The following AGBL2 variants were observed in gnomAD, a reference collection of about 807,000 sequenced individuals.
AGBL2 encodes AGBL carboxypeptidase 2.
In AGBL2, 87 loss-of-function variants were observed where a neutral mutation model predicts 103.0. The observed-to-expected ratio is 0.84, with a 90% CI of 0.71 to 1.01. AGBL2 has a LOEUF of 1.01. Ranked by LOEUF, AGBL2 falls within the 50% of genes least tolerant of loss-of-function variation. The pLI is 0.00. For missense variants in AGBL2, 904 were observed against 1,023.5 expected (o/e 0.88, Z 1.59); for synonymous variants, 335 against 356.7 (o/e 0.94, Z 0.69).
chr11:47,709,550 G>A (rs958947355), intron 4 of AGBL2, among the ~76,000 whole-genome samples: 1 of 151,690 alleles, frequency 6.6e-6, no homozygotes, highest in Non-Finnish European at 1.5e-5. Flanking sequence ...AAGAGCCTTA[G>A]TAAGCATTAT....
chr11:47,705,635 C>G lies in AGBL2; in HGVS notation c.287-1G>C. The G allele has an allele frequency of 2.1e-6, 1 of 486,792 alleles. No individual in the cohort carries two copies. The highest frequency in any genetic ancestry group is 3.5e-6 in the Non-Finnish European group (1 of 286,290). The allele number at this position is 486,792 out of a possible 1,614,324, so 30.2% of individuals were successfully genotyped here. A position where few individuals can be genotyped will look rare whatever the true frequency, so the allele number is the denominator to read the frequency against. On this transcript the variant is annotated splice_acceptor_variant, in intron 5 of 18. Transcript: ENST00000525123. LOFTEE classifies it high-confidence loss of function. The stretch of plus-strand genomic sequence containing the variant: ...ATCCAGCCCAGGCAAGAGTGAAAGT[C>G]TGTGTCAAAAAAAAAAAAAAAAGAA...
chr11:47,695,655 C>T (rs958150868), intron 8 of AGBL2, among the ~76,000 whole-genome samples: 6 of 148,326 alleles, frequency 4.0e-5, no homozygotes, highest in South Asian at 2.1e-4. Flanking sequence ...ATGCCTGTAG[C>T]CCCAGCTACT....
At chr11:47,714,029 A>G in intron 3 of AGBL2, 1 of 456,184 alleles carries the variant, frequency 2.2e-6, no homozygotes, top group Non-Finnish European at 4.0e-6. Context: ...GATACTGGTA[A>G]AGGATAGCCA....
intron 14 of AGBL2, 121 bp downstream of exon 14, chr11:47,677,150 G>A: frequency 1.2e-6 from 1 of 821,184 alleles, no homozygotes; most frequent in Admixed American, 3.6e-5. Context: ...TGGGACTACA[G>A]GCATAGATCA....
chr11:47,673,631 G>GA lies in AGBL2; in HGVS notation c.2147+3639dup, dbSNP rs1007516921. 6.5e-4 allele frequency among the ~76,000 whole-genome samples: 87 copies of GA among 134,614 alleles called. 1 individual carries two copies. The highest frequency in any genetic ancestry group is 2.0e-3 in the African/African-American group (73 of 36,618). The allele number at this position is 134,614 out of a possible 152,430, so 88.3% of individuals were successfully genotyped here. On this transcript the variant is annotated intron_variant, in intron 14 of 18. Coordinates refer to ENST00000525123, the MANE Select transcript of AGBL2 (RefSeq NM_024783.4). ...CAAGAGCGAAATTCTGTCTCAAAAA[G>GA]AAAAAAAAAAATTAGCAGGCATGGT...
intron 4 of AGBL2, among the ~76,000 whole-genome samples, chr11:47,706,891 C>CAAAA (rs35798942): frequency 1.2e-5 from 1 of 80,492 alleles, no homozygotes. Flanking sequence ...TCTACTATTC[C>CAAAA]AAAAAAAAAA....
At chr11:47,675,140 C>G (rs2097370046) in intron 14 of AGBL2, among the ~76,000 whole-genome samples, 2 of 149,732 alleles carry the variant, frequency 1.3e-5, no homozygotes, top group Admixed American at 6.7e-5. Context: ...TTATCCAGCT[C>G]AAACCTCAGA....
chr11:47,686,674 A>G lies in AGBL2; in HGVS notation c.1632-625T>C, dbSNP rs563992503. On this transcript the variant is annotated intron_variant, in intron 10 of 18. Coordinates refer to ENST00000525123, the MANE Select transcript of AGBL2 (RefSeq NM_024783.4). ...AGATCTGGTTGTTTAAAAATGTGTG[A>G]CACTGGCCGGGCACGGTGGCTCATG... Among the ~76,000 whole-genome samples, 6 of 151,160 alleles carry G rather than the reference A, an allele frequency of 4.0e-5. No homozygotes were observed. The East Asian group carries it at 1.2e-3, about 29-fold the overall frequency.
intron 9 of AGBL2, among the ~76,000 whole-genome samples, chr11:47,691,729 A>AAAAAAAAAATATATATATAT: frequency 6.2e-4 from 3 of 4,856 alleles, no homozygotes; most frequent in Non-Finnish European, 1.1e-3. Context: ...AAAAAAAAAA[A>AAAAAAAAAATATATATATAT]ATATATATAT....
At chr11:47,688,006 C>T (rs1237238184) in intron 10 of AGBL2, among the ~76,000 whole-genome samples, 1 of 151,916 alleles carries the variant, frequency 6.6e-6, no homozygotes, top group Admixed American at 6.6e-5. Flanking sequence ...CGGGGTTTCA[C>T]CATGTTGGCT....
At chr11:47,685,829 T>C in intron 11 of AGBL2, 64 bp downstream of exon 11, 1 of 1,488,180 alleles carries the variant, frequency 6.7e-7, no homozygotes, top group East Asian at 2.3e-5. Context: ...AAACACTACA[T>C]ATAGGAAGCA....
intron 8 of AGBL2, among the ~76,000 whole-genome samples, chr11:47,694,439 C>A (rs2153804510): frequency 6.6e-6 from 1 of 152,258 alleles, no homozygotes; most frequent in African/African-American, 2.4e-5. Flanking sequence ...ATACTGCGTT[C>A]TCCAGTATAT....
intron 10 of AGBL2, among the ~76,000 whole-genome samples, chr11:47,689,028 G>T (rs1194321006): frequency 6.6e-6 from 1 of 152,114 alleles, no homozygotes; most frequent in Non-Finnish European, 1.5e-5. Context: ...CAGCCACTGA[G>T]CCCAGCCCAC....
intron 8 of AGBL2, 146 bp from the exon 9 acceptor site, chr11:47,692,402 ATCTT>A: frequency 2.9e-5 from 8 of 275,838 alleles, no homozygotes; most frequent in East Asian, 8.2e-5. Flanking sequence ...GAGACTTTTA[ATCTT>A]TTTTTTTTTT....
intron 10 of AGBL2, 27 bp downstream of exon 10, chr11:47,690,049 G>C (rs1323114810): frequency 6.4e-7 from 1 of 1,572,448 alleles, no homozygotes. Context: ...AGCAGTCACA[G>C]AAAGATCAAC....
intron 11 of AGBL2, among the ~76,000 whole-genome samples, chr11:47,682,841 C>A (rs2097406457): frequency 6.6e-6 from 1 of 152,060 alleles, no homozygotes; most frequent in South Asian, 2.1e-4. Context: ...TCCAGGGGTT[C>A]TATTGAGGAG....
chr11:47,711,522 C>T (rs1260412379), intron 3 of AGBL2, among the ~76,000 whole-genome samples: 1 of 152,212 alleles, frequency 6.6e-6, no homozygotes, highest in Non-Finnish European at 1.5e-5. Flanking sequence ...CAATTGCCTA[C>T]ACAACCCCTC....
intron 4 of AGBL2, among the ~76,000 whole-genome samples, chr11:47,706,407 TC>T (rs781281638): frequency 1.8e-4 from 28 of 151,934 alleles, no homozygotes; most frequent in Non-Finnish European, 4.0e-4. Flanking sequence ...CTCCAGCTAC[TC>T]GAGAGGCTGA....
chr11:47,663,526 G>T (rs944539346), intron 17 of AGBL2, among the ~76,000 whole-genome samples: 3 of 151,044 alleles, frequency 2.0e-5, no homozygotes, highest in Non-Finnish European at 4.4e-5. Context: ...GGATTCCCCA[G>T]TATTACACAG....
Sources: allele counts gnomAD v4.1 joint callset (sites outside exome capture counted in the v4.1 genomes callset), GRCh38; gene constraint gnomAD v4.1.1; transcripts MANE v1.5; gene names NCBI Gene and HGNC (gene_info 2026-07-23, HGNC 2026-07-21).